Variants in P2RX3 observed in about 807,000 individuals in gnomAD.
The protein encoded by P2RX3 is P2X purinoceptor 3.
In P2RX3, 41 loss-of-function variants were observed where a neutral mutation model predicts 51.5. The ratio of observed to expected loss-of-function variants is 0.80; its 90% CI spans 0.62 to 1.03. P2RX3 has a LOEUF of 1.03. Among genes scored for constraint, P2RX3 ranks in the 50% least tolerant of loss-of-function variants. The pLI, the probability that P2RX3 is intolerant of heterozygous loss-of-function variation, is 0.00. For synonymous variants in P2RX3, 185 were observed against 191.6 expected (o/e 0.97, Z 0.29); for missense variants, 459 against 522.1 (o/e 0.88, Z 1.18).
chr11:57,346,409 A>T, intron 1 of P2RX3, 135 bp from the exon 2 acceptor site: 1 of 1,036,574 alleles, frequency 9.6e-7, no homozygotes. Context: ...TCTAGGTCTC[A>T]CGCCTCTGGA....
intron 8 of P2RX3, among the ~76,000 whole-genome samples, chr11:57,356,769 C>G (rs988845262): frequency 6.6e-6 from 1 of 152,168 alleles, no homozygotes; most frequent in Non-Finnish European, 1.5e-5. Context: ...ACTTGAAGGC[C>G]CTCTTCCATG....
At chr11:57,366,953 T>C (rs1175087355) in intron 8 of P2RX3, among the ~76,000 whole-genome samples, 2 of 152,158 alleles carry the variant, frequency 1.3e-5, no homozygotes, top group Non-Finnish European at 2.9e-5. Context: ...CACCTGTCAA[T>C]ACTGCCACAT....
At chr11:57,355,529 C>T (rs923150432) in intron 8 of P2RX3, among the ~76,000 whole-genome samples, 4 of 151,872 alleles carry the variant, frequency 2.6e-5, no homozygotes, top group Admixed American at 6.6e-5. Flanking sequence ...TTAGTAGAGA[C>T]GGGATTTCAA....
chr11:57,364,086 T>C (rs2134444860), intron 8 of P2RX3, among the ~76,000 whole-genome samples: 1 of 152,226 alleles, frequency 6.6e-6, no homozygotes, highest in African/African-American at 2.4e-5. Context: ...GTCAGAGCCG[T>C]TTTCATGGTT....
rs1360885994 is a variant in P2RX3 at position 57,348,619 on chromosome 11, ACC to A, written c.486-6_486-5del. ...TGGAAAGCTAAGGCCTCCTGTGCTCACCCACAGGCCCATCATGATGGAAGCTG... is the reference window on the plus strand; with the variant it reads ...TGGAAAGCTAAGGCCTCCTGTGCTCACACAGGCCCATCATGATGGAAGCTG... On this transcript the variant is annotated splice_polypyrimidine_tract_variant and splice_region_variant and intron_variant, in intron 5 of 11. Coordinates refer to ENST00000263314, the MANE Select transcript of P2RX3 (RefSeq NM_002559.5). The A allele has an allele frequency of 1.2e-6, 2 of 1,610,402 alleles. No homozygotes were observed. Among genetic ancestry groups the A allele is most frequent in the Non-Finnish European group, 1.7e-6 (2 of 1,176,900 alleles).
intron 10 of P2RX3, among the ~76,000 whole-genome samples, 153 bp downstream of exon 10, chr11:57,368,590 A>T (rs1375007264): frequency 1.3e-5 from 2 of 152,128 alleles, no homozygotes; most frequent in Non-Finnish European, 2.9e-5. Flanking sequence ...CTCCTTGGCC[A>T]CCACCCTGCT....
chr11:57,367,408 A>C (rs1437135148), intron 8 of P2RX3, among the ~76,000 whole-genome samples: 1 of 152,176 alleles, frequency 6.6e-6, no homozygotes, highest in African/African-American at 2.4e-5. Flanking sequence ...CATCAGAATC[A>C]CTGATGGAAA....
In P2RX3 at chr11:57,370,064, A is replaced by AC; in HGVS notation, c.*67_*68insC. Reference sequence around the variant, plus strand: ...TCCCCACAGAGGACCCTGCCTGAGCAAGGGGCATGGGAGGGAAGAGGGGCT... The same window carrying AC: ...TCCCCACAGAGGACCCTGCCTGAGCACAGGGGCATGGGAGGGAAGAGGGGCT... On this transcript the variant is annotated 3_prime_UTR_variant, in exon 12 of 12. Coordinates refer to ENST00000263314, the MANE Select transcript of P2RX3 (RefSeq NM_002559.5). 2 of 1,051,478 alleles carry AC rather than the reference A, an allele frequency of 1.9e-6. No individual in the cohort carries two copies. The highest frequency in any genetic ancestry group is 5.2e-5 in the Admixed American group (2 of 38,512). 65.1% of individuals were successfully genotyped at this position (1,051,478 alleles called of 1,614,324 possible).
At chr11:57,353,277 C>T (rs536043926) in intron 8 of P2RX3, among the ~76,000 whole-genome samples, 2 of 152,316 alleles carry the variant, frequency 1.3e-5, no homozygotes, top group South Asian at 4.1e-4. Context: ...ATACTAGTCA[C>T]CCTGTGTGCA....
chr11:57,362,102 T>C (rs1237790208), intron 8 of P2RX3, among the ~76,000 whole-genome samples: 1 of 151,984 alleles, frequency 6.6e-6, no homozygotes, highest in African/African-American at 2.4e-5. Context: ...GAACAAGAGG[T>C]CATCTGAGCT....
chr11:57,349,732 G>A, intron 6 of P2RX3, 25 bp from the exon 7 acceptor site: 3 of 1,613,866 alleles, frequency 1.9e-6, no homozygotes, highest in Non-Finnish European at 2.5e-6. Flanking sequence ...ACCCTGGGCT[G>A]ACCTCTCTCT....
chr11:57,347,059 C>G, intron 2 of P2RX3, 57 bp from the exon 3 acceptor site: 3 of 1,489,112 alleles, frequency 2.0e-6, no homozygotes, highest in Non-Finnish European at 2.8e-6. Context: ...AGTTATAGTC[C>G]CTGTCTCACT....
At chr11:57,366,800 CG>C (rs1856804096) in intron 8 of P2RX3, among the ~76,000 whole-genome samples, 2 of 152,202 alleles carry the variant, frequency 1.3e-5, no homozygotes, top group South Asian at 4.1e-4. Flanking sequence ...GGTGTGCTAA[CG>C]TGCTAGCTCA....
At chr11:57,367,702 C>A (rs1398702494) in intron 8 of P2RX3, among the ~76,000 whole-genome samples, 3 of 152,128 alleles carry the variant, frequency 2.0e-5, no homozygotes, top group African/African-American at 7.2e-5. Context: ...ATGTGGGCGA[C>A]AGAATGAGAC....
chr11:57,362,633 T>C (rs1170932527), intron 8 of P2RX3, among the ~76,000 whole-genome samples: 3 of 152,132 alleles, frequency 2.0e-5, no homozygotes, highest in South Asian at 2.1e-4. Flanking sequence ...AAAAGAACAG[T>C]GTAGAATGCT....
intron 8 of P2RX3, among the ~76,000 whole-genome samples, chr11:57,355,927 G>A (rs2134432054): frequency 6.6e-6 from 1 of 152,328 alleles, no homozygotes; most frequent in Admixed American, 6.5e-5. Flanking sequence ...CACTTTGGGA[G>A]GCTGAGGCGG....
chr11:57,347,006 A>G (rs1856448462), intron 2 of P2RX3, 110 bp from the exon 3 acceptor site: 2 of 1,207,800 alleles, frequency 1.7e-6, no homozygotes, highest in Non-Finnish European at 2.4e-6. Flanking sequence ...CCAAGTCACT[A>G]GACACAAGCC....
intron 6 of P2RX3, 94 bp from the exon 7 acceptor site, chr11:57,349,663 C>A (rs1002795542): frequency 6.7e-6 from 10 of 1,491,104 alleles, no homozygotes; most frequent in Non-Finnish European, 9.2e-6. Context: ...GGCTCAGATC[C>A]CCCCTAGGCC....
chr11:57,342,238 C>T (rs934877538), intron 1 of P2RX3, among the ~76,000 whole-genome samples: 1 of 141,282 alleles, frequency 7.1e-6, no homozygotes, highest in Non-Finnish European at 1.5e-5. Context: ...CGACTCACTG[C>T]AACCTCCGCC....
Sources: allele counts gnomAD v4.1 joint callset (sites outside exome capture counted in the v4.1 genomes callset), GRCh38; gene constraint gnomAD v4.1.1; transcripts MANE v1.5; gene names NCBI Gene and HGNC (gene_info 2026-07-23, HGNC 2026-07-21).